Variants in UMODL1 observed in about 807,000 individuals in gnomAD.
The protein encoded by UMODL1 is uromodulin-like 1.
UMODL1 carries 128 observed loss-of-function variants against 136.3 expected under a neutral mutation model. The observed-to-expected ratio is 0.94, with a 90% CI of 0.81 to 1.09. The LOEUF (loss-of-function observed/expected upper bound fraction) is 1.09, where lower values mean the gene tolerates loss of function less well. Among genes scored for constraint, UMODL1 ranks in the 50% least tolerant of loss-of-function variants. The probability of loss-of-function intolerance (pLI) is 0.00; values close to 1 mark genes in which losing one functional copy is unlikely to be tolerated. For missense variants in UMODL1, 1,766 were observed against 1,725.6 expected (o/e 1.02, Z -0.41); for synonymous variants, 721 against 720.0 (o/e 1.00, Z -0.02).
At chr21:42,088,253 G>T (rs769667010) in intron 4 of UMODL1, 41 bp from the exon 5 acceptor site, 1 of 1,591,792 alleles carries the variant, frequency 6.3e-7, no homozygotes, top group Non-Finnish European at 8.6e-7. Flanking sequence ...GTCTGACGGG[G>T]TGTCCTTCTG....
chr21:42,088,432 G>A lies in UMODL1; in HGVS notation c.742G>A (p.Gly248Ser), dbSNP rs777075117. The A allele has an allele frequency of 9.3e-6, 15 of 1,613,442 alleles. 1 individual carries two copies. In the South Asian group the frequency reaches 1.5e-4, roughly 17 times the overall value. ...TGTGGCTGACGTCTCCACCCTGCTG[G>A]GTGACATTGCGAAGCGTGTCTATGA... ...LPVADVSTLLGDIAKRVYEVI... is the reference protein window; with the variant it reads ...LPVADVSTLLSDIAKRVYEVI... The change falls in exon 5 of 23, where the codon GGT becomes AGT. Residue 248 changes from glycine to serine, a missense_variant. Coordinates refer to ENST00000408910, the MANE Select transcript of UMODL1 (RefSeq NM_001004416.3).
At chr21:42,080,087 T>C (rs2066344166) in intron 2 of UMODL1, among the ~76,000 whole-genome samples, 3 of 152,200 alleles carry the variant, frequency 2.0e-5, no homozygotes, top group Admixed American at 1.3e-4. Flanking sequence ...TGAAGGCGCC[T>C]GTGGTGGGCG....
At chr21:42,131,315 G>A (rs1440790313) in intron 21 of UMODL1, among the ~76,000 whole-genome samples, 6 of 152,176 alleles carry the variant, frequency 3.9e-5, no homozygotes, top group Non-Finnish European at 8.8e-5. Context: ...TGCAGGGTGT[G>A]AGCCAGAATC....
intron 5 of UMODL1, 119 bp downstream of exon 5, chr21:42,088,599 C>A: frequency 9.3e-7 from 1 of 1,073,596 alleles, no homozygotes; most frequent in Non-Finnish European, 1.3e-6. Flanking sequence ...GGTTTAAGTT[C>A]AGGAGCAAAA....
chr21:42,125,788 G>A (rs955430869), intron 17 of UMODL1, among the ~76,000 whole-genome samples: 2 of 152,172 alleles, frequency 1.3e-5, no homozygotes, highest in Non-Finnish European at 2.9e-5. Flanking sequence ...GCGGGGCCAA[G>A]TGGAGGGGCT....
chr21:42,100,078 T>G (rs1341910213), intron 7 of UMODL1, among the ~76,000 whole-genome samples: 1 of 152,128 alleles, frequency 6.6e-6, no homozygotes, highest in Non-Finnish European at 1.5e-5. Context: ...GTGCCCGTGG[T>G]GCCTAGACTT....
At chr21:42,108,099 T>A (rs2066748577) in intron 9 of UMODL1, among the ~76,000 whole-genome samples, 1 of 152,228 alleles carries the variant, frequency 6.6e-6, no homozygotes, top group Admixed American at 6.5e-5. Flanking sequence ...TGTCAGCGCC[T>A]TCCTCTGAGC....
chr21:42,091,195 G>A (rs182692242), intron 6 of UMODL1, among the ~76,000 whole-genome samples: 1 of 152,352 alleles, frequency 6.6e-6, no homozygotes, highest in East Asian at 1.9e-4. Context: ...GAAGCATGCA[G>A]AAGCAGGTCC....
At chr21:42,083,241 C>T (rs1308284959) in intron 2 of UMODL1, among the ~76,000 whole-genome samples, 1 of 152,214 alleles carries the variant, frequency 6.6e-6, no homozygotes, top group Non-Finnish European at 1.5e-5. Context: ...CTGCCACACT[C>T]CTGGTCTACA....
At chr21:42,103,822 T>C (rs2066671782) in intron 8 of UMODL1, 46 bp from the exon 9 acceptor site, 8 of 1,608,156 alleles carry the variant, frequency 5.0e-6, no homozygotes, top group Non-Finnish European at 6.8e-6. Context: ...TGCTTAATGG[T>C]CGTGAAGACG....
chr21:42,090,510 A>T, intron 6 of UMODL1, 72 bp downstream of exon 6: 1 of 1,564,410 alleles, frequency 6.4e-7, no homozygotes, highest in Non-Finnish European at 8.7e-7. Context: ...ACTCACCAGC[A>T]GTGCTTACAG....
At chr21:42,084,649 T>C (rs1337256017) in intron 3 of UMODL1, among the ~76,000 whole-genome samples, 1 of 152,054 alleles carries the variant, frequency 6.6e-6, no homozygotes, top group Non-Finnish European at 1.5e-5. Context: ...GATATGCGCC[T>C]GCTGGTCTGG....
chr21:42,131,914 T>C (rs1601280702), intron 21 of UMODL1, among the ~76,000 whole-genome samples: 1 of 152,326 alleles, frequency 6.6e-6, no homozygotes, highest in East Asian at 1.9e-4. Flanking sequence ...AAATAGCATA[T>C]GTGTGAAATA....
intron 3 of UMODL1, among the ~76,000 whole-genome samples, chr21:42,084,785 T>C (rs2066406222): frequency 6.7e-6 from 1 of 149,296 alleles, no homozygotes; most frequent in Non-Finnish European, 1.5e-5. Flanking sequence ...ATAGCGTTAG[T>C]ATGGTATGCA....
chr21:42,099,169 C>G lies in UMODL1; in HGVS notation c.1175C>G (p.Thr392Ser). The G allele has an allele frequency of 6.2e-7, 1 of 1,611,546 alleles. No homozygotes were observed. Among genetic ancestry groups the G allele is most frequent in the South Asian group, 1.1e-5 (1 of 90,994 alleles). ...GGGGCCGACGTCTCCACCACGCTGA[C>G]CATCAAAACCAGTAAGGCCCCCAGT... The part of the protein sequence containing the change: ...GCGADVSTTL[T>S]IKTNAQVFEV... Residue 392 changes from threonine to serine, a missense_variant, in exon 7 of 23, where the codon ACC (threonine) becomes AGC (serine). Thr to Ser is a moderately conservative substitution (Grantham distance 58, BLOSUM62 1). Transcript: ENST00000408910. The surrounding 1 kb of genome is among the most constrained non-coding windows in gnomAD (Gnocchi z 4.1).
intron 16 of UMODL1, among the ~76,000 whole-genome samples, chr21:42,121,861 C>T (rs1316851726): frequency 6.6e-6 from 1 of 152,144 alleles, no homozygotes; most frequent in Non-Finnish European, 1.5e-5. Context: ...TGTCTTGAAG[C>T]TGGTCTTAAT....
rs1362474054 is a variant in UMODL1, at chr21:42,122,695, G to T, written c.2828-136G>T. ...TGTGTGTGTGTGCACGTGTGTAGTT[G>T]TGGCTGGAACATGCGGTTCCCAGGT... On this transcript the variant is annotated intron_variant, in intron 16 of 22. Transcript: ENST00000408910. This position sits in a 1 kb window ranked among gnomAD's most constrained non-coding sequence, Gnocchi z 4.3. 2 of 779,628 alleles carry T rather than the reference G, an allele frequency of 2.6e-6. No individual in the cohort carries two copies. Among genetic ancestry groups the T allele is most frequent in the East Asian group, 2.7e-5 (1 of 36,960 alleles). 48.3% of individuals were successfully genotyped at this position (779,628 alleles called of 1,614,324 possible). A position where few individuals can be genotyped will look rare whatever the true frequency, so the allele number is the denominator to read the frequency against.
At position 42,121,094 on chromosome 21, in the gene UMODL1, T is replaced by C; in HGVS notation, c.2697T>C (p.Asp899=). Residue 899 remains aspartate (D), a synonymous_variant, in exon 16 of 23, where the codon GAT becomes GAC. Coordinates refer to ENST00000408910, the MANE Select transcript of UMODL1 (RefSeq NM_001004416.3). ...CTTCTAAATGTTGTGCAGATTACGA[T>C]GAGTGTGAAAGGAAGGAGGACGACT... ...IRGDTFIQDY[D]ECERKEDDCV... The C allele has an allele frequency of 6.2e-7, 1 of 1,612,894 alleles. No individual in the cohort carries two copies. The highest frequency in any genetic ancestry group is 1.7e-5 in the Admixed American group (1 of 59,812).
chr21:42,103,419 T>A (rs2066662198), intron 8 of UMODL1: 6 of 344,574 alleles, frequency 1.7e-5, no homozygotes, highest in South Asian at 1.3e-4. Flanking sequence ...CCTAAGCACC[T>A]GGCTCTGTGT....
Sources: allele counts gnomAD v4.1 joint callset (sites outside exome capture counted in the v4.1 genomes callset), GRCh38; gene constraint gnomAD v4.1.1; non-coding constraint Gnocchi (gnomAD v3.1); transcripts MANE v1.5; gene names NCBI Gene and HGNC (gene_info 2026-07-23, HGNC 2026-07-21).